Variants in GALNTL6 observed in about 807,000 individuals in gnomAD.
The protein encoded by GALNTL6 is polypeptide N-acetylgalactosaminyltransferase like 6, also known as polypeptide N-acetylgalactosaminyltransferase-like 6.
Under a neutral mutation model 73.7 loss-of-function variants are expected in GALNTL6, and 46 were observed. The ratio of observed to expected loss-of-function variants is 0.62; its 90% CI spans 0.49 to 0.80. The LOEUF is 0.80. Ranked by LOEUF, GALNTL6 falls within the 30% of genes least tolerant of loss-of-function variation. The pLI, the probability that GALNTL6 is intolerant of heterozygous loss-of-function variation, is 0.00. For synonymous variants in GALNTL6, 259 were observed against 263.7 expected, an observed-to-expected ratio of 0.98 and a Z score of 0.17; for missense variants, 604 against 755.0, an observed-to-expected ratio of 0.80 and a Z score of 2.34.
At chr4:172,812,998 C>A (rs1017076459) in intron 6 of GALNTL6, among the ~76,000 whole-genome samples, 1 of 152,140 alleles carries the variant, frequency 6.6e-6, no homozygotes. Flanking sequence ...CAAAATAGGA[C>A]TTGGAAAAAT....
intron 2 of GALNTL6, among the ~76,000 whole-genome samples, chr4:172,003,731 CCT>C (rs967206016): frequency 1.7e-4 from 26 of 152,202 alleles, no homozygotes; most frequent in African/African-American, 6.3e-4. Context: ...TGGTTAATGT[CCT>C]CAGTCATGGT....
intron 5 of GALNTL6, among the ~76,000 whole-genome samples, chr4:172,515,353 G>A (rs1027489208): frequency 6.6e-6 from 1 of 152,352 alleles, no homozygotes; most frequent in South Asian, 2.1e-4. Context: ...TTCGCATCCT[G>A]TACTTGACCC....
chr4:172,196,648 A>G (rs1019236667), intron 2 of GALNTL6, among the ~76,000 whole-genome samples: 13 of 152,206 alleles, frequency 8.5e-5, no homozygotes, highest in Non-Finnish European at 1.9e-4. Context: ...ACTTATACAA[A>G]TCAATAAATG....
intron 2 of GALNTL6, among the ~76,000 whole-genome samples, chr4:171,863,381 G>A (rs1735886125): frequency 6.6e-6 from 1 of 152,194 alleles, no homozygotes; most frequent in Non-Finnish European, 1.5e-5. Context: ...GACTAGAAGA[G>A]TGGTGTTTTT....
chr4:172,457,999 A>C (rs1390098433), intron 5 of GALNTL6, among the ~76,000 whole-genome samples: 1 of 152,126 alleles, frequency 6.6e-6, no homozygotes, highest in East Asian at 1.9e-4. Flanking sequence ...AATGGAAATC[A>C]TAACAATCAT....
chr4:172,347,095 T>C (rs1741772893), intron 4 of GALNTL6, among the ~76,000 whole-genome samples: 1 of 150,894 alleles, frequency 6.6e-6, no homozygotes, highest in Non-Finnish European at 1.5e-5. Flanking sequence ...GTTCAAGCGA[T>C]TCTTTTGCCT....
chr4:173,016,626 A>T (rs1036223994), intron 11 of GALNTL6, among the ~76,000 whole-genome samples: 1 of 152,192 alleles, frequency 6.6e-6, no homozygotes, highest in African/African-American at 2.4e-5. Context: ...CAATGCCTGT[A>T]CCCACATTGT....
At chr4:171,868,047 C>T (rs1440763783) in intron 2 of GALNTL6, among the ~76,000 whole-genome samples, 1 of 148,262 alleles carries the variant, frequency 6.7e-6, no homozygotes, top group African/African-American at 2.5e-5. Context: ...AGTGCAGTGG[C>T]ATGATCATAG....
At chr4:172,634,732 A>G (rs1183719178) in intron 5 of GALNTL6, among the ~76,000 whole-genome samples, 1 of 152,206 alleles carries the variant, frequency 6.6e-6, no homozygotes, top group Non-Finnish European at 1.5e-5. Flanking sequence ...CATTTATTGA[A>G]TCCTGTTTTG....
intron 7 of GALNTL6, among the ~76,000 whole-genome samples, chr4:172,869,949 A>T (rs1204831597): frequency 6.6e-6 from 1 of 152,114 alleles, no homozygotes; most frequent in East Asian, 1.9e-4. Flanking sequence ...CACAGAGTGG[A>T]TTGTTCTTAA....
intron 5 of GALNTL6, among the ~76,000 whole-genome samples, chr4:172,681,609 CTT>C (rs1290999146): frequency 2.6e-5 from 4 of 152,044 alleles, no homozygotes; most frequent in Non-Finnish European, 4.4e-5. Flanking sequence ...TAAATTGTAA[CTT>C]AATATGATTC....
Position 173,040,017 on chromosome 4 carries a change from C to T in GALNTL6, c.1723C>T (p.Pro575Ser), listed in dbSNP as rs1753842091. 1 of 1,612,988 alleles carries T rather than the reference C, an allele frequency of 6.2e-7. No individual in the cohort carries two copies. The highest frequency in any genetic ancestry group is 8.5e-7 in the Non-Finnish European group (1 of 1,178,996). Residue 575 changes from proline to serine, a missense_variant, in exon 13 of 13, where the codon CCT becomes TCT. Around this residue, in one of 5 missense-constraint regions of GALNTL6, gnomAD observed 261 missense variants for 296.5 expected, o/e 0.88. Transcript: ENST00000506823. ...GAAGATTTTCATGGCCAGATGTGAC[C>T]CTCTCTCTGAGACTCAGCAGTGGAT... is the stretch of plus-strand genomic sequence containing the variant. ...EKKIFMARCD[P>S]LSETQQWIFE...
chr4:172,360,694 T>C (rs1188078402), intron 5 of GALNTL6, among the ~76,000 whole-genome samples: 4 of 152,314 alleles, frequency 2.6e-5, no homozygotes, highest in Non-Finnish European at 4.4e-5. Context: ...AGACTACTTC[T>C]GTGCAGTCGA....
intron 2 of GALNTL6, among the ~76,000 whole-genome samples, chr4:171,941,485 TG>T (rs572114754): frequency 2.8e-4 from 43 of 152,354 alleles, no homozygotes; most frequent in Non-Finnish European, 5.3e-4. Flanking sequence ...AAAATTCTTC[TG>T]TAACATTGAC....
chr4:172,894,140 C>T (rs889229170), intron 8 of GALNTL6, among the ~76,000 whole-genome samples: 2 of 152,128 alleles, frequency 1.3e-5, no homozygotes, highest in Admixed American at 6.5e-5. Context: ...GGTGTCTCAG[C>T]TATGTCTAAT....
At chr4:172,712,895 T>A (rs1734799184) in intron 5 of GALNTL6, among the ~76,000 whole-genome samples, 1 of 152,178 alleles carries the variant, frequency 6.6e-6, no homozygotes, top group Non-Finnish European at 1.5e-5. Context: ...AGTGTAAATC[T>A]CAGTTTTGCC....
intron 8 of GALNTL6, among the ~76,000 whole-genome samples, chr4:172,909,322 A>C (rs1417861247): frequency 4.7e-5 from 7 of 149,804 alleles, no homozygotes; most frequent in Non-Finnish European, 8.9e-5. Context: ...AAAAAAAAAA[A>C]CTAGAAGCAA....
At chr4:172,290,637 T>C (rs974857944) in intron 3 of GALNTL6, among the ~76,000 whole-genome samples, 3 of 152,052 alleles carry the variant, frequency 2.0e-5, no homozygotes, top group African/African-American at 4.8e-5. Context: ...GAGCTTCAGA[T>C]AATATTTTTA....
chr4:172,247,971 A>G (rs2111007539), intron 3 of GALNTL6, among the ~76,000 whole-genome samples: 1 of 152,320 alleles, frequency 6.6e-6, no homozygotes, highest in Non-Finnish European at 1.5e-5. Context: ...ACTGAAAAAG[A>G]AATGCTATTT....
Sources: gnomAD v4.1 joint callset for allele counts (sites outside exome capture counted in the v4.1 genomes callset) on GRCh38, gnomAD v4.1.1 for gene constraint, gnomAD v4.1.1 regional missense constraint, MANE v1.5 for transcripts, NCBI Gene and HGNC (gene_info 2026-07-23, HGNC 2026-07-21) for gene names.